NBEA: variants seen among roughly 807,000 people sequenced by gnomAD.
NBEA encodes the protein neurobeachin.
NBEA carries 44 observed loss-of-function variants against 343.4 expected under a neutral mutation model. The observed-to-expected ratio is 0.13, with a 90% CI of 0.10 to 0.16. The LOEUF is 0.16. Among genes scored for constraint, NBEA ranks in the 10% least tolerant of loss-of-function variants. NBEA has a pLI of 1.00. For synonymous variants in NBEA, 1,175 were observed against 1,238.7 expected (o/e 0.95, Z 1.08); for missense variants, 2,555 against 3,631.3 (o/e 0.70, Z 7.62).
intron 49 of NBEA, among the ~76,000 whole-genome samples, chr13:35,636,402 CT>C (rs1285041323): frequency 1.3e-5 from 2 of 152,104 alleles, no homozygotes; most frequent in Non-Finnish European, 2.9e-5. Flanking sequence ...TCCAATAATA[CT>C]TTATTCTCAC....
intron 10 of NBEA, among the ~76,000 whole-genome samples, chr13:35,096,224 G>A (rs1329698779): frequency 6.7e-6 from 1 of 148,894 alleles, no homozygotes; most frequent in African/African-American, 2.5e-5. Flanking sequence ...GCAAAGATGT[G>A]GTATTGCTAT....
At chr13:35,467,298 A>T (rs950590992) in intron 40 of NBEA, among the ~76,000 whole-genome samples, 1 of 151,844 alleles carries the variant, frequency 6.6e-6, no homozygotes, top group Non-Finnish European at 1.5e-5. Context: ...ATGGTGAAAC[A>T]CCATCTCTAC....
At chr13:35,125,391 C>T (rs2067066624) in intron 17 of NBEA, among the ~76,000 whole-genome samples, 1 of 152,074 alleles carries the variant, frequency 6.6e-6, no homozygotes, top group Non-Finnish European at 1.5e-5. Flanking sequence ...CCTTAAATTA[C>T]AAAAATAGAT....
chr13:35,414,685 A>T (rs909077327), intron 38 of NBEA, among the ~76,000 whole-genome samples: 4 of 152,200 alleles, frequency 2.6e-5, no homozygotes, highest in Admixed American at 2.6e-4. Flanking sequence ...GTGCCACAAT[A>T]AACATACGTG....
chr13:35,031,722 T>C (rs139201864), intron 1 of NBEA, among the ~76,000 whole-genome samples: 483 of 151,744 alleles, frequency 3.2e-3, no homozygotes, highest in African/African-American at 0.011. Flanking sequence ...GGGTGTGCTG[T>C]ACAGATTATT....
intron 40 of NBEA, among the ~76,000 whole-genome samples, chr13:35,470,661 A>G (rs1330885127): frequency 6.6e-6 from 1 of 152,204 alleles, no homozygotes; most frequent in Non-Finnish European, 1.5e-5. Flanking sequence ...GAAGATAGGA[A>G]AAGTGGCATC....
intron 8 of NBEA, among the ~76,000 whole-genome samples, chr13:35,059,861 A>G (rs913804013): frequency 1.3e-5 from 2 of 151,714 alleles, no homozygotes; most frequent in African/African-American, 4.8e-5. Flanking sequence ...CTGAAGAAGA[A>G]TAATGCTATT....
chr13:35,061,954 T>A (rs1005369209), intron 8 of NBEA, among the ~76,000 whole-genome samples: 1 of 151,642 alleles, frequency 6.6e-6, no homozygotes, highest in African/African-American at 2.4e-5. Flanking sequence ...GGCCAGAAAG[T>A]TTCTCTACAA....
chr13:35,070,908 C>A (rs2063841451), intron 10 of NBEA, 56 bp downstream of exon 10: 4 of 1,582,390 alleles, frequency 2.5e-6, no homozygotes, highest in Non-Finnish European at 2.6e-6. Context: ...TAAGACTATG[C>A]ATGATGTACT....
chr13:35,016,587 TATA>T (rs1566167385), intron 1 of NBEA, among the ~76,000 whole-genome samples: 1 of 49,036 alleles, frequency 2.0e-5, no homozygotes, highest in African/African-American at 5.3e-5. Flanking sequence ...CTTGTATGTG[TATA>T]CACACACACA....
At chr13:35,021,401 C>A (rs142654217) in intron 1 of NBEA, among the ~76,000 whole-genome samples, 1 of 152,128 alleles carries the variant, frequency 6.6e-6, no homozygotes, top group Non-Finnish European at 1.5e-5. Flanking sequence ...TGCTATATTT[C>A]GTACATTCTT....
chr13:35,156,822 G>A (rs750224450), intron 20 of NBEA, among the ~76,000 whole-genome samples: 3 of 152,132 alleles, frequency 2.0e-5, no homozygotes, highest in Non-Finnish European at 4.4e-5. Flanking sequence ...AAGGTGGTGA[G>A]AAAGTAGAGA....
At chr13:35,049,951 G>A (rs573271930) in intron 5 of NBEA, among the ~76,000 whole-genome samples, 2 of 151,698 alleles carry the variant, frequency 1.3e-5, no homozygotes, top group East Asian at 3.9e-4. Context: ...AATGTGTTCT[G>A]TATTTGCTGA....
At chr13:35,037,782 T>G (rs2062502406) in intron 1 of NBEA, among the ~76,000 whole-genome samples, 1 of 152,156 alleles carries the variant, frequency 6.6e-6, no homozygotes, top group South Asian at 2.1e-4. Flanking sequence ...ATGGCTGTGC[T>G]GGGTCACACC....
In NBEA at chr13:35,184,060, C is replaced by T. The variant is rs2071509469; in HGVS notation, c.4916C>T (p.Ser1639Leu). Residue 1639 changes from serine (S) to leucine (L), a missense_variant, in exon 30 of 59, where the codon TCA becomes TTA. Physicochemically the swap from Ser to Leu is moderately radical, Grantham distance 145. Coordinates refer to ENST00000379939, the MANE Select transcript of NBEA (RefSeq NM_001385012.1). ...KLIPEQSFGH[S>L]FYKETPAAFP... is the part of the protein sequence containing the mutation. ...ATTCCTGAGCAGAGCTTTGGCCACT[C>T]ATTTTACAAAGGTAATACTGACCTC... The T allele has an allele frequency of 6.2e-7, 1 of 1,609,710 alleles. No homozygotes were observed. Among genetic ancestry groups the T allele is most frequent in the Non-Finnish European group, 8.5e-7 (1 of 1,176,834 alleles).
intron 38 of NBEA, among the ~76,000 whole-genome samples, chr13:35,423,487 C>G (rs58878520): frequency 0.058 from 8,784 of 152,108 alleles, 343 homozygotes; most frequent in African/African-American, 0.11. Context: ...TCTGAGGGCT[C>G]TGTTCTGTTC....
rs566160177 is a variant in NBEA at position 35,154,426 on chromosome 13, A to G, written c.2446-1348A>G. Among the ~76,000 whole-genome samples, 5 of 152,318 alleles carry G rather than the reference A, an allele frequency of 3.3e-5. No individual in the cohort carries two copies. In the South Asian group the frequency reaches 8.3e-4, roughly 25 times the overall value. ...TGTTTATTCAGAATTTGCCATGTTA[A>G]AGCTAAACAGGAAATTAAATCACAG... On this transcript the variant is annotated intron_variant, in intron 18 of 58. Transcript: ENST00000379939.
At chr13:35,116,222 A>G (rs1410601342) in intron 13 of NBEA, among the ~76,000 whole-genome samples, 1 of 152,078 alleles carries the variant, frequency 6.6e-6, no homozygotes, top group Non-Finnish European at 1.5e-5. Flanking sequence ...CAAAATCAGG[A>G]CCTCATCCCT....
chr13:35,468,144 T>A (rs2075478457), intron 40 of NBEA, among the ~76,000 whole-genome samples: 1 of 117,930 alleles, frequency 8.5e-6, no homozygotes, highest in African/African-American at 3.3e-5. Flanking sequence ...AAATGATTAA[T>A]CCCTGCAATT....
Sources: gnomAD v4.1 joint callset for allele counts (sites outside exome capture counted in the v4.1 genomes callset) on GRCh38, gnomAD v4.1.1 for gene constraint, MANE v1.5 for transcripts, NCBI Gene and HGNC (gene_info 2026-07-23, HGNC 2026-07-21) for gene names.